The following DHX37 variants were observed in gnomAD, a reference collection of about 807,000 sequenced individuals.
DHX37 encodes the protein probable ATP-dependent RNA helicase DHX37.
A neutral mutation model predicts 134.3 loss-of-function variants in DHX37; 52 were observed. The ratio of observed to expected loss-of-function variants is 0.39; its 90% CI spans 0.31 to 0.49. The LOEUF is 0.49. Among genes scored for constraint, DHX37 ranks in the 20% least tolerant of loss-of-function variants. The pLI is 0.93. For synonymous variants in DHX37, 634 were observed against 670.7 expected (o/e 0.95, Z 0.85); for missense variants, 1,344 against 1,580.8 (o/e 0.85, Z 2.54).
rs748263199 is a variant in DHX37, at chr12:124,965,829, A to G, written c.1591-17T>C. ...GGGCAGCACCTACGGCGAACAAGACATAGACACCTGGGCTGCAGGGATCCT... is the reference window on the plus strand; with the variant it reads ...GGGCAGCACCTACGGCGAACAAGACGTAGACACCTGGGCTGCAGGGATCCT... On this transcript the variant is annotated splice_polypyrimidine_tract_variant and intron_variant, in intron 12 of 26. Transcript: ENST00000308736. The G allele has an allele frequency of 1.2e-5, 19 of 1,610,916 alleles. No individual in the cohort carries two copies. The African/African-American group carries it at 2.3e-4, about 19-fold the overall frequency.
chr12:124,960,290 G>A (rs779745313), intron 16 of DHX37, 22 bp downstream of exon 16: 16 of 1,601,878 alleles, frequency 1.0e-5, no homozygotes, highest in Middle Eastern at 1.9e-4. Context: ...GGCTGAGAGC[G>A]GGGCTGGGGG....
At chr12:124,962,986 A>G (rs773355427) in intron 15 of DHX37, among the ~76,000 whole-genome samples, 13 of 152,344 alleles carry the variant, frequency 8.5e-5, no homozygotes, top group Non-Finnish European at 1.6e-4. Flanking sequence ...CATACGGCCC[A>G]GCGGTTCTCT....
Position 124,980,399 on chromosome 12 carries a change from GGGATGCCCTTGCCCCACTTCACCA to G in DHX37, c.738+67_738+90del. 1.4e-6 allele frequency: 2 copies of G among 1,384,320 alleles called. No homozygotes were observed. Among genetic ancestry groups the G allele is most frequent in the Non-Finnish European group, 2.0e-6 (2 of 1,024,096 alleles). The allele number at this position is 1,384,320 out of a possible 1,614,324, so 85.8% of individuals were successfully genotyped here. The stretch of plus-strand genomic sequence containing the variant: ...GATGGGGACATGGAGGCACAGAGAA[GGGATGCCCTTGCCCCACTTCACCA>G]GGACGCCCTCTGTGCGCCCCTTGCC... On this transcript the variant is annotated intron_variant, in intron 4 of 26. Coordinates refer to ENST00000308736, the MANE Select transcript of DHX37 (RefSeq NM_032656.4). The surrounding 1 kb of genome is among the most constrained non-coding windows in gnomAD (Gnocchi z 5.3).
intron 21 of DHX37, among the ~76,000 whole-genome samples, 163 bp from the exon 22 acceptor site, chr12:124,950,967 C>A (rs1253322019): frequency 2.0e-5 from 3 of 152,176 alleles, no homozygotes; most frequent in Admixed American, 6.5e-5. Context: ...GGAGTCTGAT[C>A]CAGCCGTGAA....
At chr12:124,977,046 A>AG (rs1412053888) in intron 5 of DHX37, among the ~76,000 whole-genome samples, 1 of 13,408 alleles carries the variant, frequency 7.5e-5, no homozygotes, top group Non-Finnish European at 1.2e-4. Context: ...ACGCTGTCTC[A>AG]AAAAAAAAAA....
chr12:124,969,050 TG>T, intron 8 of DHX37, 82 bp from the exon 9 acceptor site: 3 of 1,354,718 alleles, frequency 2.2e-6, no homozygotes, highest in Non-Finnish European at 3.1e-6. Flanking sequence ...GGGGGTGCCC[TG>T]CTGCCCACCC....
chr12:124,979,787 A>T (rs933526000), intron 4 of DHX37, among the ~76,000 whole-genome samples: 1 of 152,246 alleles, frequency 6.6e-6, no homozygotes, highest in Non-Finnish European at 1.5e-5. Flanking sequence ...ACCAGATGGC[A>T]CTGGGTGATG....
At chr12:124,974,209 C>T (rs1434434030) in intron 6 of DHX37, among the ~76,000 whole-genome samples, 1 of 152,110 alleles carries the variant, frequency 6.6e-6, no homozygotes, top group Non-Finnish European at 1.5e-5. Flanking sequence ...CTGCCTCGGC[C>T]TCCCAAAGTG....
chr12:124,977,277 C>A (rs571717518), intron 5 of DHX37, 65 bp downstream of exon 5: 2 of 1,455,432 alleles, frequency 1.4e-6, no homozygotes, highest in Non-Finnish European at 1.8e-6. Context: ...AGGCTCTTAT[C>A]GACCTTTCAG....
chr12:124,947,460 C>T lies in DHX37; in HGVS notation c.*342G>A, dbSNP rs886918199. 6.2e-5 allele frequency: 13 copies of T among 208,034 alleles called. No individual in the cohort carries two copies. The highest frequency in any genetic ancestry group is 9.4e-5 in the Non-Finnish European group (10 of 106,390). 12.9% of individuals were successfully genotyped at this position (208,034 alleles called of 1,614,324 possible). A position where few individuals can be genotyped will look rare whatever the true frequency, so the allele number is the denominator to read the frequency against. On this transcript the variant is annotated 3_prime_UTR_variant, in exon 27 of 27. Transcript: ENST00000308736. ...GTGCCTCCTCGGCCTTCTGGCAGGG[C>T]GGGCGGGGAAGGGACTGCAGAGATC...
intron 8 of DHX37, among the ~76,000 whole-genome samples, chr12:124,970,028 A>AGT (rs1954481798): frequency 6.6e-6 from 1 of 152,178 alleles, no homozygotes; most frequent in African/African-American, 2.4e-5. Context: ...GCTGGAGTGC[A>AGT]GTGGCGCGAT....
At chr12:124,959,603 C>G (rs1027107184) in intron 16 of DHX37, among the ~76,000 whole-genome samples, 2 of 152,152 alleles carry the variant, frequency 1.3e-5, no homozygotes, top group African/African-American at 4.8e-5. Flanking sequence ...CACAAAACCA[C>G]AGGAATAAAG....
intron 18 of DHX37, among the ~76,000 whole-genome samples, chr12:124,955,928 G>A (rs1954084315): frequency 6.6e-6 from 1 of 150,948 alleles, no homozygotes; most frequent in Admixed American, 6.6e-5. Context: ...GGGTGGGACC[G>A]GGGAGGGGAG....
Position 124,964,522 on chromosome 12 carries a change from C to T in DHX37, c.1917G>A (p.Gly639=). 1 of 1,614,150 alleles carries T rather than the reference C, an allele frequency of 6.2e-7. No individual in the cohort carries two copies. The highest frequency in any genetic ancestry group is 8.5e-7 in the Non-Finnish European group (1 of 1,179,974). ...GGTCGTAGTAGCGTTTCTTGACCTT[C>T]CCACAGTCCACCACGTACTTGATGC... is the stretch of plus-strand genomic sequence containing the variant. The part of the protein sequence containing the change: ...IPGIKYVVDC[G]KVKKRYYDRV... The change falls in exon 15 of 27, where the codon GGG becomes GGA. Residue 639 remains glycine, a synonymous_variant. Transcript: ENST00000308736.
At position 124,949,767 on chromosome 12, in the gene DHX37, G is replaced by C. The variant is rs1424160990; in HGVS notation, c.3290+219C>G. On this transcript the variant is annotated intron_variant, in intron 25 of 26. Coordinates refer to ENST00000308736, the MANE Select transcript of DHX37 (RefSeq NM_032656.4). This position sits in a 1 kb window ranked among gnomAD's most constrained non-coding sequence, Gnocchi z 4.0. ...CGTGAAGATGGAGGCAGAGACTGGA[G>C]TGATGTGGCCACAAGCCCAGGAGGC... Among the ~76,000 whole-genome samples the C allele has an allele frequency of 6.6e-6, 1 of 152,150 alleles. No homozygotes were observed. The highest frequency in any genetic ancestry group is 1.5e-5 in the Non-Finnish European group (1 of 68,020).
rs965310658 is a variant in DHX37, at chr12:124,977,324, C to T, written c.887+18G>A. 1 of 1,510,998 alleles carries T rather than the reference C, an allele frequency of 6.6e-7. No homozygotes were observed. The highest frequency in any genetic ancestry group is 2.4e-5 in the East Asian group (1 of 41,948). The allele number at this position is 1,510,998 out of a possible 1,614,324, so 93.6% of individuals were successfully genotyped here. On this transcript the variant is annotated intron_variant, in intron 5 of 26. Coordinates refer to ENST00000308736, the MANE Select transcript of DHX37 (RefSeq NM_032656.4). Reference sequence around the variant, plus strand: ...TGTCACTGAGGGACCCAGAGAGAACCCTGTGTCCAGCCCCTACCTGCTGAA... The same window carrying T: ...TGTCACTGAGGGACCCAGAGAGAACTCTGTGTCCAGCCCCTACCTGCTGAA...
rs1182255389 is a variant in DHX37, at chr12:124,949,003, T to G, written c.3291-822A>C. On this transcript the variant is annotated intron_variant, in intron 25 of 26. Coordinates refer to ENST00000308736, the MANE Select transcript of DHX37 (RefSeq NM_032656.4). This position sits in a 1 kb window ranked among gnomAD's most constrained non-coding sequence, Gnocchi z 4.0. ...CATCTAGAACCTTCCTCCAGATTTGTGCCCAGCTGCAGCCCTGGCTCCTTT... is the reference window on the plus strand; with the variant it reads ...CATCTAGAACCTTCCTCCAGATTTGGGCCCAGCTGCAGCCCTGGCTCCTTT... 2.6e-5 allele frequency among the ~76,000 whole-genome samples: 4 copies of G among 152,288 alleles called. No individual in the cohort carries two copies. Among genetic ancestry groups the G allele is most frequent in the African/African-American group, 9.6e-5 (4 of 41,556 alleles).
rs1224964148 is a variant in DHX37, at chr12:124,948,115, G to A, written c.3357C>T (p.Ala1119=). Residue 1119 remains alanine, a synonymous_variant, in exon 26 of 27, where the codon GCC becomes GCT. Transcript: ENST00000308736. Reference sequence around the variant, plus strand: ...GGTTTTTCTTCCAAGCAGCCAGCAAGGCTTCATGGCAGTCAGCCTTCTCTG... The same window carrying A: ...GGTTTTTCTTCCAAGCAGCCAGCAAAGCTTCATGGCAGTCAGCCTTCTCTG... ...LVAEKADCHE[A]LLAAWKKNPK... 1.2e-6 allele frequency: 2 copies of A among 1,614,138 alleles called. No individual in the cohort carries two copies. Among genetic ancestry groups the A allele is most frequent in the Non-Finnish European group, 1.7e-6 (2 of 1,180,058 alleles).
chr12:124,970,122 G>A (rs868489163), intron 8 of DHX37, among the ~76,000 whole-genome samples: 34 of 152,102 alleles, frequency 2.2e-4, no homozygotes, highest in Admixed American at 5.9e-4. Context: ...ACAGGTGTGC[G>A]CCACCAGGCC....
Sources: gnomAD v4.1 joint callset for allele counts (sites outside exome capture counted in the v4.1 genomes callset) on GRCh38, gnomAD v4.1.1 for gene constraint, Gnocchi (gnomAD v3.1) non-coding constraint, MANE v1.5 for transcripts, NCBI Gene and HGNC (gene_info 2026-07-23, HGNC 2026-07-21) for gene names.